Variants in POU1F1 observed in about 807,000 individuals in gnomAD.
POU1F1 encodes the protein POU class 1 homeobox 1.
A neutral mutation model predicts 32.3 loss-of-function variants in POU1F1; 23 were observed. That is an observed-to-expected ratio of 0.71 (90% CI 0.51 to 1.01). The LOEUF is 1.01. POU1F1 is among the 50% of genes least tolerant of loss of function. The probability of loss-of-function intolerance (pLI) is 0.00; values close to 1 mark genes in which losing one functional copy is unlikely to be tolerated. For synonymous variants in POU1F1, 120 were observed against 115.6 expected, an observed-to-expected ratio of 1.04 and a Z score of -0.25; for missense variants, 323 against 341.6, an observed-to-expected ratio of 0.95 and a Z score of 0.43.
At chr3:87,275,792 G>C in intron 1 of POU1F1, among the ~76,000 whole-genome samples, 1 of 151,934 alleles carries the variant, frequency 6.6e-6, no homozygotes, top group Non-Finnish European at 1.5e-5. Flanking sequence ...TATAATTTCT[G>C]TATCTTATGC....
rs1312779016 is a variant in POU1F1 at position 87,259,782 on chromosome 3, G to T, written c.*112C>A. 7 of 869,728 alleles carry T rather than the reference G, an allele frequency of 8.0e-6. No homozygotes were observed. The Admixed American group carries it at 1.8e-4, about 22-fold the overall frequency. The allele number at this position is 869,728 out of a possible 1,614,324, so 53.9% of individuals were successfully genotyped here. A position where few individuals can be genotyped will look rare whatever the true frequency, so the allele number is the denominator to read the frequency against. ...AAAAAAGTGGAAAAGTAAAGCTTCT[G>T]TAAAAGCTATTGATATAAAATGATT... is the stretch of plus-strand genomic sequence containing the variant. On this transcript the variant is annotated 3_prime_UTR_variant, in exon 6 of 6. Transcript: ENST00000350375.
At chr3:87,267,680 T>C (rs552250179) in intron 2 of POU1F1, among the ~76,000 whole-genome samples, 189 of 57,440 alleles carry the variant, frequency 3.3e-3, no homozygotes, top group Non-Finnish European at 6.6e-3. Flanking sequence ...AAATCTTAGC[T>C]CATTGCAATC....
chr3:87,275,707 G>A (rs1326798453), intron 1 of POU1F1, among the ~76,000 whole-genome samples: 1 of 152,096 alleles, frequency 6.6e-6, no homozygotes, highest in Non-Finnish European at 1.5e-5. Flanking sequence ...TAGAAGTGAA[G>A]TAAGTCTCTT....
intron 2 of POU1F1, among the ~76,000 whole-genome samples, chr3:87,265,629 T>C (rs1216727530): frequency 6.6e-6 from 1 of 151,956 alleles, no homozygotes; most frequent in Non-Finnish European, 1.5e-5. Context: ...AACCATGAAT[T>C]AAATACACTT....
At chr3:87,260,601 A>T (rs1308165596) in intron 5 of POU1F1, among the ~76,000 whole-genome samples, 1 of 152,148 alleles carries the variant, frequency 6.6e-6, no homozygotes, top group African/African-American at 2.4e-5. Context: ...GGTCATGTTG[A>T]ACTTGAAGAG....
intron 3 of POU1F1, 128 bp downstream of exon 3, chr3:87,264,160 A>G: frequency 1.3e-6 from 1 of 757,966 alleles, no homozygotes; most frequent in South Asian, 1.6e-5. Flanking sequence ...CATAACGACT[A>G]ACTACGTCCA....
At chr3:87,264,161 A>T in intron 3 of POU1F1, 127 bp downstream of exon 3, 1 of 770,622 alleles carries the variant, frequency 1.3e-6, no homozygotes, top group Non-Finnish European at 2.2e-6. Context: ...ATAACGACTA[A>T]CTACGTCCAC....
chr3:87,261,663 T>C (rs937966584), intron 4 of POU1F1, among the ~76,000 whole-genome samples: 1 of 152,206 alleles, frequency 6.6e-6, no homozygotes, highest in African/African-American at 2.4e-5. Flanking sequence ...TTAAGTTGCA[T>C]ATCTAGCAAT....
At chr3:87,260,920 ATTTATTTT>A (rs1479140569) in intron 5 of POU1F1, among the ~76,000 whole-genome samples, 3 of 102,246 alleles carry the variant, frequency 2.9e-5, no homozygotes, top group African/African-American at 7.6e-5. Context: ...TTATTTATTT[ATTTATTTT>A]GAGACGGTGT....
chr3:87,270,184 G>A (rs1216753478), intron 2 of POU1F1, among the ~76,000 whole-genome samples: 1 of 152,130 alleles, frequency 6.6e-6, no homozygotes, highest in East Asian at 1.9e-4. Flanking sequence ...GAATTTAGCT[G>A]CAAGAGTACG....
At chr3:87,276,037 G>T (rs1706819820) in intron 1 of POU1F1, among the ~76,000 whole-genome samples, 2 of 151,998 alleles carry the variant, frequency 1.3e-5, no homozygotes, top group Non-Finnish European at 2.9e-5. Flanking sequence ...AAGGTTTTTA[G>T]ATTTAAAATG....
At chr3:87,263,695 C>A (rs1706554697) in intron 3 of POU1F1, among the ~76,000 whole-genome samples, 1 of 151,874 alleles carries the variant, frequency 6.6e-6, no homozygotes, top group South Asian at 2.1e-4. Context: ...TTTTTATCAG[C>A]CAAAGATCAG....
chr3:87,268,341 A>G (rs1015012292), intron 2 of POU1F1, among the ~76,000 whole-genome samples: 4 of 152,066 alleles, frequency 2.6e-5, no homozygotes, highest in African/African-American at 4.8e-5. Context: ...TCCTGACCTC[A>G]GGTGATCTGC....
intron 2 of POU1F1, among the ~76,000 whole-genome samples, chr3:87,266,231 A>G (rs911048355): frequency 6.8e-6 from 1 of 146,984 alleles, no homozygotes; most frequent in Non-Finnish European, 1.5e-5. Context: ...ATTTAATTTA[A>G]TTTATTTATA....
chr3:87,272,199 C>T (rs1706740056), intron 2 of POU1F1, among the ~76,000 whole-genome samples: 1 of 151,928 alleles, frequency 6.6e-6, no homozygotes, highest in Admixed American at 6.6e-5. Flanking sequence ...CATACACACA[C>T]ACCATGCACA....
rs1221401645 is a variant in POU1F1, at chr3:87,261,157, G to A, written c.665+116C>T. On this transcript the variant is annotated intron_variant, in intron 5 of 5. Coordinates refer to ENST00000350375, the MANE Select transcript of POU1F1 (RefSeq NM_000306.4). Reference sequence around the variant, plus strand: ...AGCTCCTGACCTCAGGCCCGCCTTGGCCTCCCAATTCACCTTACATTTATA... The same window carrying A: ...AGCTCCTGACCTCAGGCCCGCCTTGACCTCCCAATTCACCTTACATTTATA... The A allele has an allele frequency of 9.1e-6, 7 of 773,006 alleles. No individual in the cohort carries two copies. The African/African-American group carries it at 1.0e-4, about 12-fold the overall frequency. The allele number at this position is 773,006 out of a possible 1,614,324, so 47.9% of individuals were successfully genotyped here.
intron 2 of POU1F1, among the ~76,000 whole-genome samples, chr3:87,267,977 A>G (rs1205094165): frequency 1.3e-5 from 2 of 152,096 alleles, no homozygotes; most frequent in Non-Finnish European, 2.9e-5. Flanking sequence ...ACAAATTTGA[A>G]TGGAATCCAT....
chr3:87,266,384 TA>T (rs1030712593), intron 2 of POU1F1, among the ~76,000 whole-genome samples: 5 of 147,632 alleles, frequency 3.4e-5, no homozygotes, highest in African/African-American at 7.3e-5. Context: ...TAAATTTATA[TA>T]AAAATATGTA....
rs372288270 is a variant in POU1F1 at position 87,276,494 on chromosome 3, C to T, written c.-32G>A. The T allele has an allele frequency of 1.2e-6, 2 of 1,610,356 alleles. No homozygotes were observed. Among genetic ancestry groups the T allele is most frequent in the Non-Finnish European group, 1.7e-6 (2 of 1,177,854 alleles). ...AAGAGAGTAGAAAAATAAGGAGAAC[C>T]GCTGCTCCCCAAATCAGAGTTTTAT... is the stretch of plus-strand genomic sequence containing the variant. On this transcript the variant is annotated 5_prime_UTR_variant, in exon 1 of 6. Coordinates refer to ENST00000350375, the MANE Select transcript of POU1F1 (RefSeq NM_000306.4).
Sources: allele counts gnomAD v4.1 joint callset (sites outside exome capture counted in the v4.1 genomes callset), GRCh38; gene constraint gnomAD v4.1.1; transcripts MANE v1.5; gene names NCBI Gene and HGNC (gene_info 2026-07-23, HGNC 2026-07-21).